ZHX2: variants seen among roughly 807,000 people sequenced by gnomAD.
The protein encoded by ZHX2 is zinc fingers and homeoboxes 2.
ZHX2 carries 6 observed loss-of-function variants against 21.9 expected under a neutral mutation model. The observed-to-expected ratio is 0.27, with a 90% CI of 0.15 to 0.54. The LOEUF (loss-of-function observed/expected upper bound fraction) is 0.54. Ranked by LOEUF, ZHX2 falls within the 20% of genes least tolerant of loss-of-function variation. ZHX2 has a pLI of 0.95. For missense variants in ZHX2, 908 were observed against 1,090.7 expected (o/e 0.83, Z 2.36); for synonymous variants, 434 against 437.1 (o/e 0.99, Z 0.09).
intron 1 of ZHX2, among the ~76,000 whole-genome samples, chr8:122,845,776 C>T (rs933411272): frequency 3.9e-5 from 6 of 152,244 alleles, no homozygotes; most frequent in East Asian, 1.9e-4. Context: ...GTAAGGAAAC[C>T]GAGTTTCAGC....
chr8:122,942,222 G>T (rs962298958), intron 2 of ZHX2, among the ~76,000 whole-genome samples: 1 of 151,828 alleles, frequency 6.6e-6, no homozygotes, highest in African/African-American at 2.4e-5. Context: ...CTTCTCGGGG[G>T]GTGTCATGTT....
chr8:122,971,948 G>T (rs55648301), intron 3 of ZHX2, among the ~76,000 whole-genome samples: 6 of 152,196 alleles, frequency 3.9e-5, no homozygotes, highest in African/African-American at 1.4e-4. Context: ...CAGGGAGTCT[G>T]TGATGGTTGC....
intron 2 of ZHX2, among the ~76,000 whole-genome samples, chr8:122,876,810 C>T (rs1015052443): frequency 6.6e-6 from 1 of 152,076 alleles, no homozygotes; most frequent in African/African-American, 2.4e-5. Flanking sequence ...CTGTGTGCAC[C>T]AGGGTGAGAA....
chr8:122,918,516 T>C (rs1820659090), intron 2 of ZHX2, among the ~76,000 whole-genome samples: 1 of 152,202 alleles, frequency 6.6e-6, no homozygotes, highest in African/African-American at 2.4e-5. Context: ...TCACCTCGTC[T>C]TTGGAGGAGA....
chr8:122,824,443 A>G (rs954168453), intron 1 of ZHX2, among the ~76,000 whole-genome samples: 2 of 152,188 alleles, frequency 1.3e-5, no homozygotes, highest in Non-Finnish European at 2.9e-5. Flanking sequence ...CATAGAACTG[A>G]AATTCTACCG....
intron 2 of ZHX2, among the ~76,000 whole-genome samples, chr8:122,925,715 G>A (rs1586393313): frequency 6.6e-6 from 1 of 152,164 alleles, no homozygotes; most frequent in African/African-American, 2.4e-5. Flanking sequence ...AGCAGGTTCC[G>A]AAATAGCTGA....
chr8:122,948,357 C>A (rs1238991607), intron 2 of ZHX2, among the ~76,000 whole-genome samples: 1 of 152,124 alleles, frequency 6.6e-6, no homozygotes, highest in Non-Finnish European at 1.5e-5. Flanking sequence ...CCTCCTTTAG[C>A]CCATCAGCTC....
chr8:122,866,988 TA>T (rs1192918721), intron 2 of ZHX2, among the ~76,000 whole-genome samples: 30 of 80,538 alleles, frequency 3.7e-4, no homozygotes, highest in African/African-American at 1.5e-3. Context: ...CCATGCCAGC[TA>T]TTTTTTTTTT....
At chr8:122,834,964 C>T (rs377379330) in intron 1 of ZHX2, among the ~76,000 whole-genome samples, 4 of 152,254 alleles carry the variant, frequency 2.6e-5, no homozygotes, top group South Asian at 2.1e-4. Flanking sequence ...GGACTGCCTC[C>T]GCACCAGTAG....
intron 2 of ZHX2, among the ~76,000 whole-genome samples, chr8:122,882,393 G>A (rs922634706): frequency 2.6e-5 from 4 of 151,894 alleles, no homozygotes; most frequent in Non-Finnish European, 5.9e-5. Context: ...TGCAACCACC[G>A]TGAATGTGGT....
At chr8:122,847,929 T>G (rs1818790215) in intron 1 of ZHX2, among the ~76,000 whole-genome samples, 3 of 152,152 alleles carry the variant, frequency 2.0e-5, no homozygotes, top group African/African-American at 7.2e-5. Context: ...GAACCGAGCT[T>G]TACTCTTCAC....
At chr8:122,926,665 T>A (rs1820862774) in intron 2 of ZHX2, among the ~76,000 whole-genome samples, 1 of 152,186 alleles carries the variant, frequency 6.6e-6, no homozygotes, top group African/African-American at 2.4e-5. Flanking sequence ...TTACGAGGCA[T>A]AGGCATCAGC....
chr8:122,972,522 G>A (rs1217063201), intron 3 of ZHX2, among the ~76,000 whole-genome samples: 2 of 152,164 alleles, frequency 1.3e-5, no homozygotes, highest in East Asian at 1.9e-4. Context: ...TTCCTCAACT[G>A]TAAAATAAGA....
chr8:122,916,512 A>G (rs945931570), intron 2 of ZHX2, among the ~76,000 whole-genome samples: 1 of 151,678 alleles, frequency 6.6e-6, no homozygotes, highest in African/African-American at 2.4e-5. Flanking sequence ...TTTTCTACCT[A>G]GAGGTACTTT....
In ZHX2 at chr8:122,868,497, A is replaced by G. The variant is rs574880132; in HGVS notation, c.-220+4958A>G. On this transcript the variant is annotated intron_variant, in intron 2 of 3. Transcript: ENST00000314393. The stretch of plus-strand genomic sequence containing the variant: ...ACCCTGTCTCTACAAAATATGCTTT[A>G]AAAAATAGCCAGACAAACACGGTGA... 9.9e-5 allele frequency among the ~76,000 whole-genome samples: 15 copies of G among 152,050 alleles called. No homozygotes were observed. In the East Asian group the frequency reaches 2.3e-3, roughly 24 times the overall value.
chr8:122,845,712 C>T (rs1818737194), intron 1 of ZHX2, among the ~76,000 whole-genome samples: 1 of 152,216 alleles, frequency 6.6e-6, no homozygotes, highest in Non-Finnish European at 1.5e-5. Flanking sequence ...GTCCCCACTC[C>T]TGGTGGCCCC....
intron 2 of ZHX2, among the ~76,000 whole-genome samples, chr8:122,867,006 T>G (rs1293630167): frequency 1.4e-5 from 2 of 141,006 alleles, no homozygotes; most frequent in Non-Finnish European, 3.1e-5. Context: ...TTTTTTTTTG[T>G]ATTTTTAGTA....
chr8:122,908,165 G>A (rs1820389761), intron 2 of ZHX2, among the ~76,000 whole-genome samples: 1 of 152,130 alleles, frequency 6.6e-6, no homozygotes, highest in Admixed American at 6.5e-5. Flanking sequence ...AAGGGTGAGA[G>A]TTGGAGCATT....
chr8:122,928,912 A>G (rs571770698), intron 2 of ZHX2, among the ~76,000 whole-genome samples: 6 of 152,306 alleles, frequency 3.9e-5, no homozygotes, highest in East Asian at 1.9e-4. Flanking sequence ...TTCCATAAAG[A>G]TAGGACATCC....
Sources: gnomAD v4.1 joint callset for allele counts (sites outside exome capture counted in the v4.1 genomes callset) on GRCh38, gnomAD v4.1.1 for gene constraint, MANE v1.5 for transcripts, NCBI Gene and HGNC (gene_info 2026-07-23, HGNC 2026-07-21) for gene names.